SC5D: variants seen among roughly 807,000 people sequenced by gnomAD.
SC5D encodes the protein sterol-C5-desaturase.
Under a neutral mutation model 23.9 loss-of-function variants are expected in SC5D, and 21 were observed. That is an observed-to-expected ratio of 0.88 (90% CI 0.62 to 1.26). SC5D has a LOEUF of 1.26. SC5D is among the 50% of genes most tolerant of loss of function. The pLI, the probability that SC5D is intolerant of heterozygous loss-of-function variation, is 0.00. For missense variants in SC5D, 309 were observed against 364.8 expected (o/e 0.85, Z 1.25); for synonymous variants, 113 against 125.9 (o/e 0.90, Z 0.68).
At position 121,312,127 on chromosome 11, in the gene SC5D, A is replaced by G. The variant is rs1332491046; in HGVS notation, c.*4615A>G. Among the ~76,000 whole-genome samples the G allele has an allele frequency of 6.6e-6, 1 of 152,316 alleles. No homozygotes were observed. The highest frequency in any genetic ancestry group is 1.9e-4 in the East Asian group (1 of 5,186). ...ATTGCTAAAACCATAAGGCCAGTCT[A>G]CAAGGTTTGTAGATAAAATAGAAAC... On this transcript the variant is annotated 3_prime_UTR_variant, in exon 5 of 5. Transcript: ENST00000264027.
chr11:121,304,577 T>C, intron 3 of SC5D, 84 bp downstream of exon 3: 1 of 1,195,932 alleles, frequency 8.4e-7, no homozygotes, highest in Non-Finnish European at 1.2e-6. Flanking sequence ...CCCTTTTTTT[T>C]TTCATCTTTT....
intron 2 of SC5D, 120 bp from the exon 3 acceptor site, chr11:121,304,241 G>T (rs1258660356): frequency 2.4e-6 from 2 of 827,642 alleles, no homozygotes; most frequent in African/African-American, 1.7e-5. Flanking sequence ...AATAGAAACA[G>T]TTTGGAGGTA....
chr11:121,294,391 G>A (rs1947874813), intron 1 of SC5D, among the ~76,000 whole-genome samples: 1 of 152,110 alleles, frequency 6.6e-6, no homozygotes, highest in Non-Finnish European at 1.5e-5. Context: ...TAGATTGTGT[G>A]TATTTGAATC....
intron 1 of SC5D, among the ~76,000 whole-genome samples, chr11:121,297,324 TAAGTA>T (rs1377744788): frequency 1.3e-5 from 2 of 152,250 alleles, no homozygotes; most frequent in African/African-American, 4.8e-5. Flanking sequence ...AGATATGTGT[TAAGTA>T]AACACCTATA....
intron 1 of SC5D, 90 bp from the exon 2 acceptor site, chr11:121,303,276 T>C: frequency 1.0e-6 from 1 of 954,424 alleles, no homozygotes; most frequent in Non-Finnish European, 1.7e-6. Context: ...TGTTCTTAAA[T>C]CAGGAACTTG....
At chr11:121,298,175 A>G (rs1159955013) in intron 1 of SC5D, among the ~76,000 whole-genome samples, 1 of 151,828 alleles carries the variant, frequency 6.6e-6, no homozygotes, top group Non-Finnish European at 1.5e-5. Flanking sequence ...ATTTTTGTAT[A>G]TTTTGTAGAG....
intron 2 of SC5D, chr11:121,303,813 C>T: frequency 2.1e-6 from 1 of 475,244 alleles, no homozygotes; most frequent in South Asian, 2.6e-5. Flanking sequence ...TCGTATCTTG[C>T]TAGATGCATA....
rs1947948557 is a variant in SC5D at position 121,304,468 on chromosome 11, T to A, written c.318T>A (p.His106Gln). The A allele has an allele frequency of 6.2e-7, 1 of 1,613,466 alleles. No homozygotes were observed. Among genetic ancestry groups the A allele is most frequent in the African/African-American group, 1.3e-5 (1 of 74,882 alleles). The change falls in exon 3 of 5, where the codon CAT becomes CAA. Residue 106 changes from histidine (H) to glutamine (Q), a missense_variant. Physicochemically the swap from His to Gln is conservative, Grantham distance 24. Transcript: ENST00000264027. The stretch of plus-strand genomic sequence containing the variant: ...AGATAAGAGGTTACAGCAAATTACA[T>A]GATGACCTAGGAGAGTTTCCATATG... ...LLEIRGYSKLHDDLGEFPYGL... is the reference protein window; with the variant it reads ...LLEIRGYSKLQDDLGEFPYGL...
chr11:121,300,706 T>C (rs1947920328), intron 1 of SC5D, among the ~76,000 whole-genome samples: 1 of 152,188 alleles, frequency 6.6e-6, no homozygotes, highest in South Asian at 2.1e-4. Flanking sequence ...CTGTTGCACA[T>C]ACCCAAGAAA....
At position 121,292,822 on chromosome 11, in the gene SC5D, G is replaced by A. The variant is rs888188829; in HGVS notation, c.-11+6G>A. ...CGGCGGCGGACCACCTCCAGGTGGG[G>A]ACGGTGGGTGGGCGGGGAAGGAAGC... On this transcript the variant is annotated splice_donor_region_variant and intron_variant, in intron 1 of 4. Coordinates refer to ENST00000264027, the MANE Select transcript of SC5D (RefSeq NM_006918.5). 1 of 152,816 alleles carries A rather than the reference G, an allele frequency of 6.5e-6. No homozygotes were observed. The highest frequency in any genetic ancestry group is 1.5e-5 in the Non-Finnish European group (1 of 68,508). The allele number at this position is 152,816 out of a possible 1,614,324, so 9.5% of individuals were successfully genotyped here.
chr11:121,307,305 C>T lies in SC5D; in HGVS notation c.693C>T (p.Asp231=), dbSNP rs1324560480. The T allele has an allele frequency of 6.2e-7, 1 of 1,614,088 alleles. No individual in the cohort carries two copies. Among genetic ancestry groups the T allele is most frequent in the African/African-American group, 1.3e-5 (1 of 75,012 alleles). Residue 231 remains aspartate, a synonymous_variant, in exon 5 of 5, where the codon GAC becomes GAT. Coordinates refer to ENST00000264027, the MANE Select transcript of SC5D (RefSeq NM_006918.5). ...PFINGSAHHT[D]HHMFFDYNYG... ...TTAATGGCTCAGCTCATCATACAGA[C>T]CACCATATGTTCTTTGACTATAATT... is the stretch of plus-strand genomic sequence containing the variant.
chr11:121,306,932 G>C, intron 4 of SC5D, 125 bp from the exon 5 acceptor site: 1 of 832,848 alleles, frequency 1.2e-6, no homozygotes, highest in South Asian at 1.3e-5. Context: ...ACATTTTATA[G>C]AATAAATAAT....
At chr11:121,306,970 G>A in intron 4 of SC5D, 87 bp from the exon 5 acceptor site, 2 of 1,106,192 alleles carry the variant, frequency 1.8e-6, no homozygotes, top group Non-Finnish European at 2.8e-6. Flanking sequence ...GATTTGTTAG[G>A]TTGTTTCCAA....
chr11:121,297,305 C>A (rs189930427), intron 1 of SC5D, among the ~76,000 whole-genome samples: 1 of 151,138 alleles, frequency 6.6e-6, no homozygotes, highest in East Asian at 1.9e-4. Flanking sequence ...GGAACCTATC[C>A]AAATATCTAG....
At chr11:121,300,794 G>C (rs1947920980) in intron 1 of SC5D, among the ~76,000 whole-genome samples, 1 of 152,138 alleles carries the variant, frequency 6.6e-6, no homozygotes, top group South Asian at 2.1e-4. Context: ...GTCAATTTTA[G>C]AGTGACAACT....
chr11:121,298,071 T>C (rs1200145532), intron 1 of SC5D, among the ~76,000 whole-genome samples: 1 of 152,132 alleles, frequency 6.6e-6, no homozygotes, highest in Non-Finnish European at 1.5e-5. Flanking sequence ...GGCACGAATA[T>C]GGCTCACGGT....
At chr11:121,294,498 CT>C (rs539303419) in intron 1 of SC5D, among the ~76,000 whole-genome samples, 1 of 151,954 alleles carries the variant, frequency 6.6e-6, no homozygotes, top group Non-Finnish European at 1.5e-5. Context: ...TAGTACCTAC[CT>C]TTGAGGCTTC....
At chr11:121,294,187 A>C (rs947808778) in intron 1 of SC5D, among the ~76,000 whole-genome samples, 14 of 152,194 alleles carry the variant, frequency 9.2e-5, no homozygotes, top group Non-Finnish European at 1.9e-4. Context: ...GCAAGGACAA[A>C]GTATTTAAGT....
At chr11:121,298,266 T>A (rs1319826476) in intron 1 of SC5D, among the ~76,000 whole-genome samples, 1 of 152,210 alleles carries the variant, frequency 6.6e-6, no homozygotes, top group African/African-American at 2.4e-5. Context: ...GCGCTGGTAT[T>A]ACAGTCATGA....
Sources: gnomAD v4.1 joint callset for allele counts (sites outside exome capture counted in the v4.1 genomes callset) on GRCh38, gnomAD v4.1.1 for gene constraint, MANE v1.5 for transcripts, NCBI Gene and HGNC (gene_info 2026-07-23, HGNC 2026-07-21) for gene names.